FSTL1: variants seen among roughly 807,000 people sequenced by gnomAD.
The protein encoded by FSTL1 is follistatin-related protein 1.
A neutral mutation model predicts 45.9 loss-of-function variants in FSTL1; 24 were observed. The ratio of observed to expected loss-of-function variants is 0.52; its 90% confidence interval spans 0.38 to 0.74. FSTL1 has a LOEUF of 0.74. FSTL1 is among the 30% of genes least tolerant of loss of function. FSTL1 has a pLI of 0.00. For synonymous variants in FSTL1, 120 were observed against 137.6 expected, an observed-to-expected ratio of 0.87 and a Z score of 0.89; for missense variants, 340 against 381.8, an observed-to-expected ratio of 0.89 and a Z score of 0.91.
chr3:120,399,449 A>T (rs1028520507), intron 10 of FSTL1, among the ~76,000 whole-genome samples: 2 of 152,214 alleles, frequency 1.3e-5, no homozygotes, highest in Non-Finnish European at 2.9e-5. Flanking sequence ...ATGCTCACTG[A>T]GTGCTGACTA....
intron 5 of FSTL1, 83 bp from the exon 6 acceptor site, chr3:120,409,745 G>A (rs1479248200): frequency 4.1e-5 from 54 of 1,328,408 alleles, no homozygotes; most frequent in African/African-American, 1.4e-4. Flanking sequence ...GGGAGCATCC[G>A]TGCCCATGGT....
In FSTL1 at chr3:120,395,547, C is replaced by T. The variant is rs1481482261; in HGVS notation, c.*1405G>A. On this transcript the variant is annotated 3_prime_UTR_variant, in exon 11 of 11. Coordinates refer to ENST00000295633, the MANE Select transcript of FSTL1 (RefSeq NM_007085.5). Reference sequence around the variant, plus strand: ...GTGGGGTGGTTCTCTTTCCCACTCTCTTCCTGCTTTACCCATGAGGACTCC... The same window carrying T: ...GTGGGGTGGTTCTCTTTCCCACTCTTTTCCTGCTTTACCCATGAGGACTCC... 2.2e-6 allele frequency: 1 copy of T among 447,996 alleles called. No individual in the cohort carries two copies. The highest frequency in any genetic ancestry group is 4.5e-6 in the Non-Finnish European group (1 of 221,604). The allele number at this position is 447,996 out of a possible 1,614,324, so 27.8% of individuals were successfully genotyped here.
chr3:120,406,754 T>C (rs1233708071), intron 6 of FSTL1, among the ~76,000 whole-genome samples: 1 of 151,918 alleles, frequency 6.6e-6, no homozygotes, highest in Non-Finnish European at 1.5e-5. Flanking sequence ...ATTGAGCCTC[T>C]CTTCAGCCAG....
intron 2 of FSTL1, among the ~76,000 whole-genome samples, chr3:120,446,139 A>G (rs955669115): frequency 9.2e-5 from 14 of 152,240 alleles, no homozygotes; most frequent in Non-Finnish European, 2.9e-5. Flanking sequence ...GAGGACTAAG[A>G]CAAAGAATCC....
intron 5 of FSTL1, chr3:120,410,041 TAC>T (rs1937021513): frequency 6.2e-6 from 1 of 162,236 alleles, no homozygotes; most frequent in African/African-American, 2.4e-5. Context: ...ATGAGAATAT[TAC>T]AGTTTTTATG....
At chr3:120,435,101 C>G (rs567667985) in intron 2 of FSTL1, among the ~76,000 whole-genome samples, 2 of 152,226 alleles carry the variant, frequency 1.3e-5, no homozygotes, top group Non-Finnish European at 2.9e-5. Flanking sequence ...CACCTGTAAT[C>G]CCAGCTACTT....
At chr3:120,415,722 A>G (rs1043656864) in intron 3 of FSTL1, 3 of 498,492 alleles carry the variant, frequency 6.0e-6, no homozygotes, top group Admixed American at 3.5e-5. Flanking sequence ...AAAATCTTAT[A>G]AAGCTAAATT....
intron 9 of FSTL1, 87 bp from the exon 10 acceptor site, chr3:120,400,046 C>A: frequency 1.2e-6 from 1 of 853,294 alleles, no homozygotes; most frequent in Non-Finnish European, 1.9e-6. Context: ...GCTCTCAATT[C>A]ATCTCCCATT....
intron 2 of FSTL1, among the ~76,000 whole-genome samples, chr3:120,432,836 C>T (rs569839003): frequency 3.4e-4 from 51 of 152,182 alleles, no homozygotes; most frequent in Admixed American, 9.8e-4. Flanking sequence ...GGTGGTTGGC[C>T]CCCAGGGACT....
chr3:120,414,278 C>T (rs1937141409), intron 3 of FSTL1, among the ~76,000 whole-genome samples: 1 of 152,084 alleles, frequency 6.6e-6, no homozygotes, highest in African/African-American at 2.4e-5. Flanking sequence ...TGCCTGGCTG[C>T]CCAGTCTGGA....
intron 4 of FSTL1, 31 bp from the exon 5 acceptor site, chr3:120,411,015 C>G: frequency 6.4e-7 from 1 of 1,571,494 alleles, no homozygotes; most frequent in Non-Finnish European, 8.6e-7. Context: ...ACGTGTAATG[C>G]GAAGTGAAGG....
intron 2 of FSTL1, among the ~76,000 whole-genome samples, chr3:120,431,561 G>A (rs550216731): frequency 2.6e-5 from 4 of 152,078 alleles, no homozygotes; most frequent in South Asian, 4.2e-4. Context: ...GGTGGCTCAC[G>A]CCTGTTATCC....
Position 120,402,901 on chromosome 3 carries a change from C to A in FSTL1, c.712G>T (p.Glu238Ter). 6.2e-7 allele frequency: 1 copy of A among 1,610,504 alleles called. No individual in the cohort carries two copies. The highest frequency in any genetic ancestry group is 8.5e-7 in the Non-Finnish European group (1 of 1,176,732). ...PPEKKCALED[E>*]TYADGAETEV... The stretch of plus-strand genomic sequence containing the variant: ...GTCTCAGCTCCATCTGCATACGTTT[C>A]ATCCTCCAGGGCACACTCTGTTGGG... Residue 238 changes from glutamate to a stop codon, truncating the protein, a stop_gained, in exon 9 of 11, where the codon GAA becomes TAA. Transcript: ENST00000295633. LOFTEE classifies it high-confidence loss of function.
rs1936705054 is a variant in FSTL1, at chr3:120,396,572, T to G, written c.*380A>C. On this transcript the variant is annotated 3_prime_UTR_variant, in exon 11 of 11. Coordinates refer to ENST00000295633, the MANE Select transcript of FSTL1 (RefSeq NM_007085.5). ...TCCGTGGAGCTTCCCAAACCTCTCC[T>G]CCGGGGACACCCTGCTAAGTTCTCT... 5.4e-6 allele frequency: 1 copy of G among 184,780 alleles called. No individual in the cohort carries two copies. The highest frequency in any genetic ancestry group is 1.1e-5 in the Non-Finnish European group (1 of 88,908). The allele number at this position is 184,780 out of a possible 1,614,324, so 11.4% of individuals were successfully genotyped here.
rs1472871500 is a variant in FSTL1 at position 120,403,239 on chromosome 3, T to A, written c.694+3A>T. The A allele has an allele frequency of 6.6e-7, 1 of 1,506,824 alleles. No homozygotes were observed. Among genetic ancestry groups the A allele is most frequent in the Admixed American group, 1.7e-5 (1 of 59,880 alleles). 93.3% of individuals were successfully genotyped at this position (1,506,824 alleles called of 1,614,324 possible). On this transcript the variant is annotated splice_donor_region_variant and intron_variant, in intron 8 of 10. Coordinates refer to ENST00000295633, the MANE Select transcript of FSTL1 (RefSeq NM_007085.5). ...AGCTCTCTATTTCTTAGGTTAGGCATACTCTTCTCAGGAGGGTTGAAAGAT... is the reference window on the plus strand; with the variant it reads ...AGCTCTCTATTTCTTAGGTTAGGCAAACTCTTCTCAGGAGGGTTGAAAGAT...
chr3:120,433,375 C>T (rs1624195), intron 2 of FSTL1, among the ~76,000 whole-genome samples: 134,562 of 152,256 alleles, frequency 0.88, 60,338 homozygotes, highest in Non-Finnish European at 0.97. Context: ...AGATGCACAA[C>T]ATTCTTGCAA....
chr3:120,435,758 A>C (rs1937541971), intron 2 of FSTL1, among the ~76,000 whole-genome samples: 1 of 152,212 alleles, frequency 6.6e-6, no homozygotes, highest in African/African-American at 2.4e-5. Flanking sequence ...AATTTCAGTC[A>C]CTACACGACA....
chr3:120,398,852 TTC>T (rs1170125770), intron 10 of FSTL1, among the ~76,000 whole-genome samples: 2 of 152,254 alleles, frequency 1.3e-5, no homozygotes, highest in African/African-American at 4.8e-5. Context: ...TGAAGTTTTT[TTC>T]TCTTTCATGG....
chr3:120,411,691 C>T (rs1235071622), intron 4 of FSTL1, among the ~76,000 whole-genome samples, 163 bp downstream of exon 4: 1 of 152,236 alleles, frequency 6.6e-6, no homozygotes, highest in Non-Finnish European at 1.5e-5. Context: ...CCAGCAGGCT[C>T]ATAAGTGACA....
Sources: gnomAD v4.1 joint callset for allele counts (sites outside exome capture counted in the v4.1 genomes callset) on GRCh38, gnomAD v4.1.1 for gene constraint, MANE v1.5 for transcripts, NCBI Gene and HGNC (gene_info 2026-07-23, HGNC 2026-07-21) for gene names.